Variants in UQCRC2 observed in about 807,000 individuals in gnomAD.
The protein encoded by UQCRC2 is ubiquinol-cytochrome c reductase core protein 2, also known as cytochrome b-c1 complex subunit 2, mitochondrial.
In UQCRC2, 49 loss-of-function variants were observed where a neutral mutation model predicts 55.6. That is an observed-to-expected ratio of 0.88 (90% CI 0.70 to 1.12). The LOEUF (loss-of-function observed/expected upper bound fraction) is 1.12, where lower values mean the gene tolerates loss of function less well. UQCRC2 is among the 50% of genes most tolerant of loss of function. The pLI is 0.00. For synonymous variants in UQCRC2, 193 were observed against 192.0 expected (o/e 1.01, Z -0.04); for missense variants, 506 against 547.8 (o/e 0.92, Z 0.76).
At chr16:21,962,601 A>C in intron 5 of UQCRC2, 85 bp downstream of exon 5, 1 of 1,596,946 alleles carries the variant, frequency 6.3e-7, no homozygotes, top group Non-Finnish European at 8.6e-7. Context: ...CGTCATTATG[A>C]CCTCTGACTT....
At chr16:21,959,915 A>T (rs1461018509) in intron 4 of UQCRC2, 3 of 152,212 alleles carry the variant, frequency 2.0e-5, no homozygotes, top group African/African-American at 4.8e-5. Context: ...ATGGGCTTAA[A>T]ATATTCAGTC....
intron 12 of UQCRC2, among the ~76,000 whole-genome samples, chr16:21,979,958 T>C (rs545282998): frequency 6.6e-6 from 1 of 152,346 alleles, no homozygotes; most frequent in Non-Finnish European, 1.5e-5. Context: ...AATCAATGCT[T>C]CCTTACAAAA....
In UQCRC2 at chr16:21,968,678, T is replaced by A; in HGVS notation, c.663T>A (p.Ile221=). ...TCACAAGTGCAAGAATGGCTTTGAT[T>A]GGACTTGGTAAGTTTAGAGTATTGC... ...NHFTSARMAL[I]GLGVSHPVLK... The change falls in exon 8 of 14, where the codon ATT becomes ATA. Residue 221 remains isoleucine, a synonymous_variant. Transcript: ENST00000268379. 6.2e-7 allele frequency: 1 copy of A among 1,609,828 alleles called. No individual in the cohort carries two copies. Among genetic ancestry groups the A allele is most frequent in the Non-Finnish European group, 8.5e-7 (1 of 1,177,890 alleles).
intron 10 of UQCRC2, among the ~76,000 whole-genome samples, chr16:21,972,447 G>A (rs1025933353): frequency 2.0e-5 from 3 of 152,082 alleles, no homozygotes; most frequent in African/African-American, 7.2e-5. Flanking sequence ...TTTTTTTCTA[G>A]ATTTTCTTCT....
chr16:21,980,814 C>A, intron 13 of UQCRC2, 114 bp downstream of exon 13: 2 of 1,254,166 alleles, frequency 1.6e-6, no homozygotes, highest in Non-Finnish European at 2.2e-6. Flanking sequence ...GTTTGGTGCT[C>A]ATCTACTTAA....
At chr16:21,972,212 A>G (rs1898480710) in intron 10 of UQCRC2, 90 bp downstream of exon 10, 2 of 1,446,206 alleles carry the variant, frequency 1.4e-6, no homozygotes, top group East Asian at 2.5e-5. Context: ...AAAATGTAAG[A>G]CAAACACACA....
At chr16:21,965,323 T>C in intron 6 of UQCRC2, 85 bp from the exon 7 acceptor site, 1 of 1,313,822 alleles carries the variant, frequency 7.6e-7, no homozygotes, top group Non-Finnish European at 1.1e-6. Context: ...ACCAAATTTG[T>C]ATAGGCTTGT....
chr16:21,964,666 A>G (rs1898283309), intron 6 of UQCRC2, among the ~76,000 whole-genome samples: 2 of 152,124 alleles, frequency 1.3e-5, no homozygotes, highest in African/African-American at 4.8e-5. Flanking sequence ...CCCACATATT[A>G]CTTGTATTAA....
intron 10 of UQCRC2, among the ~76,000 whole-genome samples, chr16:21,972,945 C>CA (rs1289490664): frequency 2.3e-4 from 35 of 152,166 alleles, no homozygotes; most frequent in Admixed American, 2.1e-3. Flanking sequence ...ACTAAAAATA[C>CA]AAAAATTGTC....
At chr16:21,954,800 T>G (rs991492843) in intron 1 of UQCRC2, among the ~76,000 whole-genome samples, 1 of 151,922 alleles carries the variant, frequency 6.6e-6, no homozygotes, top group Non-Finnish European at 1.5e-5. Context: ...TCCTAGCACT[T>G]TGGGAGTCAG....
intron 1 of UQCRC2, 75 bp from the exon 2 acceptor site, chr16:21,957,160 C>T (rs962715937): frequency 5.9e-5 from 86 of 1,452,758 alleles, no homozygotes; most frequent in Admixed American, 7.5e-5. Flanking sequence ...CGCTTGGGTA[C>T]CCTAAGATAC....
chr16:21,958,161 G>C (rs1898122474), intron 3 of UQCRC2, among the ~76,000 whole-genome samples: 1 of 152,126 alleles, frequency 6.6e-6, no homozygotes, highest in Admixed American at 6.5e-5. Context: ...TTGCCACAGA[G>C]AAGCACTAAA....
intron 6 of UQCRC2, among the ~76,000 whole-genome samples, chr16:21,963,852 T>C (rs370065258): frequency 2.6e-5 from 4 of 152,218 alleles, no homozygotes; most frequent in South Asian, 4.1e-4. Context: ...ACTATTGTAT[T>C]GCTATTATTG....
At chr16:21,975,776 A>G (rs183678868) in intron 11 of UQCRC2, among the ~76,000 whole-genome samples, 1 of 152,154 alleles carries the variant, frequency 6.6e-6, no homozygotes, top group Non-Finnish European at 1.5e-5. Context: ...AAAGGTGCTT[A>G]TTCTTTATGG....
Position 21,983,492 on chromosome 16 carries a change from G to A in UQCRC2, c.*321G>A, listed in dbSNP as rs2141952006. ...AAACTATTAAAATTAAGGCTAAGTG[G>A]CTATCGGGGTAAATAGTGCCAGATT... On this transcript the variant is annotated 3_prime_UTR_variant, in exon 14 of 14. Transcript: ENST00000268379. The A allele has an allele frequency of 2.8e-6, 1 of 350,960 alleles. No individual in the cohort carries two copies. Among genetic ancestry groups the A allele is most frequent in the East Asian group, 4.2e-5 (1 of 23,636 alleles). 21.7% of individuals were successfully genotyped at this position (350,960 alleles called of 1,614,324 possible). A position where few individuals can be genotyped will look rare whatever the true frequency, so the allele number is the denominator to read the frequency against.
At chr16:21,954,335 A>AC (rs1292078210) in intron 1 of UQCRC2, among the ~76,000 whole-genome samples, 1 of 151,356 alleles carries the variant, frequency 6.6e-6, no homozygotes, top group East Asian at 1.9e-4. Context: ...GTGTTGAGAA[A>AC]CCCCCCTAGA....
rs1017890070 is a variant in UQCRC2 at position 21,979,373 on chromosome 16, T to C, written c.1125-1174T>C. On this transcript the variant is annotated intron_variant, in intron 12 of 13. Coordinates refer to ENST00000268379, the MANE Select transcript of UQCRC2 (RefSeq NM_003366.4). Reference sequence around the variant, plus strand: ...GTCATGGGTCACATAACGATGGGGATACATTCTGAGAAATGTGGTGTTAGG... The same window carrying C: ...GTCATGGGTCACATAACGATGGGGACACATTCTGAGAAATGTGGTGTTAGG... 2.0e-5 allele frequency among the ~76,000 whole-genome samples: 3 copies of C among 152,348 alleles called. No individual in the cohort carries two copies. The South Asian group carries it at 6.2e-4, about 32-fold the overall frequency.
chr16:21,969,643 G>A (rs978614594), intron 8 of UQCRC2, among the ~76,000 whole-genome samples: 1 of 152,054 alleles, frequency 6.6e-6, no homozygotes, highest in African/African-American at 2.4e-5. Context: ...AATATCATTT[G>A]TAATATTTTT....
intron 12 of UQCRC2, among the ~76,000 whole-genome samples, chr16:21,978,045 G>A (rs1440418437): frequency 3.3e-5 from 5 of 152,096 alleles, no homozygotes; most frequent in Non-Finnish European, 7.4e-5. Flanking sequence ...TTAAGAAAAC[G>A]TATTTTCTTA....
Sources: allele counts gnomAD v4.1 joint callset (sites outside exome capture counted in the v4.1 genomes callset), GRCh38; gene constraint gnomAD v4.1.1; transcripts MANE v1.5; gene names NCBI Gene and HGNC (gene_info 2026-07-23, HGNC 2026-07-21).